WNK1: variants seen among roughly 807,000 people sequenced by gnomAD.
The protein encoded by WNK1 is WNK lysine deficient protein kinase 1.
In WNK1, 38 loss-of-function variants were observed where a neutral mutation model predicts 222.8. The observed-to-expected ratio is 0.17, with a 90% CI of 0.13 to 0.22. The LOEUF (loss-of-function observed/expected upper bound fraction) is 0.22, where lower values mean the gene tolerates loss of function less well. Among genes scored for constraint, WNK1 ranks in the 10% least tolerant of loss-of-function variants. The pLI, the probability that WNK1 is intolerant of heterozygous loss-of-function variation, is 1.00. For missense variants in WNK1, 2,348 were observed against 2,918.4 expected (o/e 0.80, Z 4.50); for synonymous variants, 1,090 against 1,092.9 (o/e 1.00, Z 0.05).
intron 1 of WNK1, among the ~76,000 whole-genome samples, chr12:757,241 A>C (rs1006917404): frequency 7.6e-6 from 1 of 131,260 alleles, no homozygotes; most frequent in Non-Finnish European, 1.6e-5. Context: ...AAATCAAGCT[A>C]TTTTCTGTCA....
chr12:805,435 A>G (rs1946288565), intron 1 of WNK1, among the ~76,000 whole-genome samples: 1 of 152,208 alleles, frequency 6.6e-6, no homozygotes, highest in South Asian at 2.1e-4. Flanking sequence ...TGTATGTGTA[A>G]ATGGAAAAAA....
At chr12:890,739 C>G (rs1479711767) in intron 22 of WNK1, among the ~76,000 whole-genome samples, 3 of 152,170 alleles carry the variant, frequency 2.0e-5, no homozygotes, top group Non-Finnish European at 4.4e-5. Flanking sequence ...TCATTATTAG[C>G]TATGCCAGAT....
At chr12:809,243 A>ATTTTTTT (rs869187932) in intron 1 of WNK1, among the ~76,000 whole-genome samples, 1 of 104,552 alleles carries the variant, frequency 9.6e-6, no homozygotes, top group Admixed American at 1.1e-4. Context: ...AAAAAAAAAA[A>ATTTTTTT]TTTTTTTTTT....
intron 2 of WNK1, among the ~76,000 whole-genome samples, chr12:819,672 G>A (rs1265475293): frequency 1.3e-5 from 2 of 152,168 alleles, no homozygotes; most frequent in African/African-American, 4.8e-5. Flanking sequence ...GTATCCCTAA[G>A]TTTTCTTCTA....
chr12:869,024 TTC>T (rs1565551145), intron 8 of WNK1: 1 of 1,611,870 alleles, frequency 6.2e-7, no homozygotes, highest in Non-Finnish European at 8.5e-7. Context: ...CCCACTTTTC[TTC>T]TGTTTCCCCC....
chr12:833,346 A>C (rs568550593), intron 4 of WNK1, among the ~76,000 whole-genome samples: 61 of 152,352 alleles, frequency 4.0e-4, no homozygotes, highest in Non-Finnish European at 7.9e-4. Context: ...AAGGAACTTA[A>C]GATACCAGTT....
Position 908,861 on chromosome 12 carries a change from G to GGGGGGGGGGGGGGGGGGGGGCCC in WNK1, c.*69_*70insGGGGGGGGGGGGGGGGGGGGCCC. On this transcript the variant is annotated 3_prime_UTR_variant, in exon 28 of 28. Transcript: ENST00000315939. ...ATGCTGAGGGGGTGGGTGGGGGTGG[G>GGGGGGGGGGGGGGGGGGGGGCCC]AAGTAGCCTATATACTAACTACTAG... The GGGGGGGGGGGGGGGGGGGGGCCC allele has an allele frequency of 8.1e-6, 4 of 491,846 alleles. No individual in the cohort carries two copies. The highest frequency in any genetic ancestry group is 1.7e-5 in the Non-Finnish European group (4 of 241,770). The allele number at this position is 491,846 out of a possible 1,614,324, so 30.5% of individuals were successfully genotyped here.
At chr12:770,665 T>C (rs1230425618) in intron 1 of WNK1, among the ~76,000 whole-genome samples, 1 of 152,240 alleles carries the variant, frequency 6.6e-6, no homozygotes, top group East Asian at 1.9e-4. Flanking sequence ...ATTAGCATCC[T>C]CTACAGGCCA....
chr12:885,623 G>C lies in WNK1; in HGVS notation c.4819G>C (p.Val1607Leu). The C allele has an allele frequency of 6.2e-7, 1 of 1,614,110 alleles. No homozygotes were observed. The highest frequency in any genetic ancestry group is 8.5e-7 in the Non-Finnish European group (1 of 1,180,018). The change falls in exon 19 of 28, where the codon GTT becomes CTT. Residue 1607 changes from valine to leucine, a missense_variant. Transcript: ENST00000315939. ...TAGTATCCCACCCTTGGTACAGCCT[G>C]TTGCCAATGTGCCTGCTGTACAGCA... ...VPSIPPLVQPVANVPAVQQTL... is the reference protein window; with the variant it reads ...VPSIPPLVQPLANVPAVQQTL...
chr12:879,460 T>TTTTTTTTTTC, intron 10 of WNK1, 113 bp from the exon 11 acceptor site: 3 of 717,300 alleles, frequency 4.2e-6, no homozygotes, highest in South Asian at 1.8e-5. Flanking sequence ...TTTTTTTTGT[T>TTTTTTTTTTC]TGTTTTTTCC....
chr12:864,123 T>TTTTTTTCTC (rs71051398), intron 8 of WNK1, among the ~76,000 whole-genome samples: 1 of 147,216 alleles, frequency 6.8e-6, no homozygotes, highest in Non-Finnish European at 1.5e-5. Context: ...TTTTTTTTTT[T>TTTTTTTCTC]TTTTGACAGC....
chr12:896,035 G>A (rs1159517952), intron 23 of WNK1, 36 bp from the exon 24 acceptor site: 1 of 1,613,606 alleles, frequency 6.2e-7, no homozygotes, highest in South Asian at 1.1e-5. Context: ...TGGATATTGA[G>A]AACTTAAGTT....
intron 8 of WNK1, 125 bp downstream of exon 8, chr12:862,395 T>A: frequency 9.3e-7 from 1 of 1,073,938 alleles, no homozygotes; most frequent in African/African-American, 1.6e-5. Flanking sequence ...AAATGCTGTG[T>A]CTCTAAAGCC....
At chr12:824,643 A>G (rs1948200642) in intron 2 of WNK1, among the ~76,000 whole-genome samples, 1 of 147,212 alleles carries the variant, frequency 6.8e-6, no homozygotes, top group South Asian at 2.2e-4. Flanking sequence ...GTTTTCTGTA[A>G]TTAGGGAGGT....
chr12:872,020 ACTT>A lies in WNK1; in HGVS notation c.2223+676_2223+678del, dbSNP rs1164813554. ...TTGTGCTTGCCTCTACTAATCCTGC[ACTT>A]CTTTTTAATTATTTCTAATCTGTAG... On this transcript the variant is annotated intron_variant, in intron 9 of 27. Coordinates refer to ENST00000315939, the MANE Select transcript of WNK1 (RefSeq NM_018979.4). Among the ~76,000 whole-genome samples, 3 of 152,288 alleles carry A rather than the reference ACTT, an allele frequency of 2.0e-5. No homozygotes were observed. The East Asian group carries it at 5.8e-4, about 29-fold the overall frequency.
chr12:844,890 C>CTTT (rs11352734), intron 4 of WNK1, among the ~76,000 whole-genome samples: 62 of 80,444 alleles, frequency 7.7e-4, no homozygotes, highest in African/African-American at 1.1e-3. Flanking sequence ...TGTACCTTCT[C>CTTT]TTTTTTTTTT....
At chr12:791,117 C>T (rs996067494) in intron 1 of WNK1, among the ~76,000 whole-genome samples, 8 of 151,652 alleles carry the variant, frequency 5.3e-5, no homozygotes, top group East Asian at 1.9e-4. Context: ...ATTGGCAGAT[C>T]GTAGTAAATA....
chr12:801,008 C>G (rs1039835440), intron 1 of WNK1, among the ~76,000 whole-genome samples: 5 of 152,140 alleles, frequency 3.3e-5, no homozygotes, highest in Admixed American at 2.6e-4. Context: ...GGTATTGGTT[C>G]CTTTCTCAGG....
intron 4 of WNK1, among the ~76,000 whole-genome samples, chr12:843,469 C>T (rs889633738): frequency 6.6e-5 from 10 of 152,150 alleles, no homozygotes; most frequent in African/African-American, 2.2e-4. Context: ...AATTTAAAAA[C>T]TTACTGAGAA....
Sources: allele counts gnomAD v4.1 joint callset (sites outside exome capture counted in the v4.1 genomes callset), GRCh38; gene constraint gnomAD v4.1.1; transcripts MANE v1.5; gene names NCBI Gene and HGNC (gene_info 2026-07-23, HGNC 2026-07-21).